The following CLIC6 variants were observed in gnomAD, a reference collection of about 807,000 sequenced individuals.
CLIC6 encodes the protein CLIC family member 6.
CLIC6 carries 39 observed loss-of-function variants against 49.2 expected under a neutral mutation model. The observed-to-expected ratio is 0.79, with a 90% CI of 0.61 to 1.04. The LOEUF is 1.04. CLIC6 is among the 50% of genes least tolerant of loss of function. The pLI, the probability that CLIC6 is intolerant of heterozygous loss-of-function variation, is 0.00. For missense variants in CLIC6, 988 were observed against 993.1 expected (o/e 0.99, Z 0.07); for synonymous variants, 446 against 433.4 (o/e 1.03, Z -0.36).
At chr21:34,686,710 A>G (rs1252488794) in intron 1 of CLIC6, among the ~76,000 whole-genome samples, 2 of 152,048 alleles carry the variant, frequency 1.3e-5, no homozygotes, top group African/African-American at 2.4e-5. Context: ...CCATTTGACA[A>G]TCCTAGCTGA....
chr21:34,678,196 C>T (rs1989709452), intron 1 of CLIC6, among the ~76,000 whole-genome samples: 1 of 151,420 alleles, frequency 6.6e-6, no homozygotes, highest in Non-Finnish European at 1.5e-5. Flanking sequence ...CTTTGGGAGG[C>T]TGAGGCGGGC....
At chr21:34,686,938 G>A (rs761585398) in intron 1 of CLIC6, among the ~76,000 whole-genome samples, 7 of 152,180 alleles carry the variant, frequency 4.6e-5, no homozygotes, top group Non-Finnish European at 1.0e-4. Context: ...AGTAACCTTC[G>A]TCAGTGCCAC....
intron 1 of CLIC6, among the ~76,000 whole-genome samples, chr21:34,699,397 G>A (rs1381900159): frequency 2.7e-5 from 4 of 149,328 alleles, no homozygotes; most frequent in African/African-American, 4.9e-5. Flanking sequence ...GACTACAGGC[G>A]CATGTCACCA....
chr21:34,679,104 G>C (rs1243317135), intron 1 of CLIC6, among the ~76,000 whole-genome samples: 2 of 152,216 alleles, frequency 1.3e-5, no homozygotes, highest in Admixed American at 6.5e-5. Flanking sequence ...TTCTCACGCT[G>C]TTGTGAAGAA....
chr21:34,678,169 C>G (rs568701520), intron 1 of CLIC6, among the ~76,000 whole-genome samples: 2 of 151,734 alleles, frequency 1.3e-5, no homozygotes, highest in Non-Finnish European at 2.9e-5. Context: ...AGGTGGCTCA[C>G]GCCTGTAATC....
At chr21:34,693,981 T>TC (rs1990045869) in intron 1 of CLIC6, among the ~76,000 whole-genome samples, 1 of 141,626 alleles carries the variant, frequency 7.1e-6, no homozygotes, top group African/African-American at 2.5e-5. Flanking sequence ...TTTTCTTTTT[T>TC]TTTTTTTTTT....
At chr21:34,692,113 G>A (rs1472274205) in intron 1 of CLIC6, among the ~76,000 whole-genome samples, 3 of 152,204 alleles carry the variant, frequency 2.0e-5, no homozygotes, top group Non-Finnish European at 4.4e-5. Context: ...TTTACAAAAT[G>A]TAATTTATTA....
chr21:34,690,862 A>AG (rs66818328), intron 1 of CLIC6, among the ~76,000 whole-genome samples: 194 of 8,310 alleles, frequency 0.023, no homozygotes, highest in East Asian at 0.067. Context: ...AATACATGTC[A>AG]AAAAAAAAAA....
intron 1 of CLIC6, among the ~76,000 whole-genome samples, chr21:34,697,725 T>G (rs1473632315): frequency 6.6e-6 from 1 of 152,122 alleles, no homozygotes; most frequent in Non-Finnish European, 1.5e-5. Flanking sequence ...CCAGGGTGAG[T>G]TGGTCACGCA....
chr21:34,715,323 G>T (rs888974419), intron 5 of CLIC6, among the ~76,000 whole-genome samples: 4 of 152,214 alleles, frequency 2.6e-5, no homozygotes, highest in African/African-American at 9.6e-5. Context: ...TTAAAATAAA[G>T]TCATCGTGGA....
intron 1 of CLIC6, among the ~76,000 whole-genome samples, chr21:34,671,179 T>C (rs1003520568): frequency 1.3e-5 from 2 of 149,002 alleles, no homozygotes; most frequent in South Asian, 2.2e-4. Context: ...CCTATTGGTG[T>C]TCAAAGGGAT....
chr21:34,674,038 C>T (rs1037344559), intron 1 of CLIC6, among the ~76,000 whole-genome samples: 10 of 152,182 alleles, frequency 6.6e-5, no homozygotes, highest in Admixed American at 5.9e-4. Context: ...ATTCTCCTAG[C>T]CTTCATATGA....
At chr21:34,715,258 C>T (rs1294286577) in intron 5 of CLIC6, among the ~76,000 whole-genome samples, 1 of 152,200 alleles carries the variant, frequency 6.6e-6, no homozygotes, top group African/African-American at 2.4e-5. Context: ...TCCTAACCCC[C>T]AGTAGCTCAG....
chr21:34,701,341 G>T (rs1412302115), intron 1 of CLIC6, among the ~76,000 whole-genome samples: 1 of 149,404 alleles, frequency 6.7e-6, no homozygotes, highest in Non-Finnish European at 1.5e-5. Flanking sequence ...AAAATCAGTG[G>T]TTCTTTAAGG....
At chr21:34,699,957 G>A (rs978997574) in intron 1 of CLIC6, among the ~76,000 whole-genome samples, 9 of 152,252 alleles carry the variant, frequency 5.9e-5, no homozygotes, top group Admixed American at 2.6e-4. Flanking sequence ...ACATAGGGCA[G>A]GAAGAAGCTG....
chr21:34,683,687 G>A (rs917377028), intron 1 of CLIC6, among the ~76,000 whole-genome samples: 2 of 152,104 alleles, frequency 1.3e-5, no homozygotes, highest in African/African-American at 4.8e-5. Context: ...AGATCTGATG[G>A]TTTAAAAGTG....
chr21:34,677,584 CA>C (rs1230999112), intron 1 of CLIC6, among the ~76,000 whole-genome samples: 2 of 152,098 alleles, frequency 1.3e-5, no homozygotes, highest in Admixed American at 6.5e-5. Context: ...CCTGTATCAT[CA>C]AAAAATGGAT....
chr21:34,699,837 T>C (rs538916211), intron 1 of CLIC6, among the ~76,000 whole-genome samples: 6 of 152,268 alleles, frequency 3.9e-5, no homozygotes, highest in African/African-American at 1.2e-4. Context: ...GGCACCCCAG[T>C]GGGTCTTCTG....
At position 34,669,380 on chromosome 21, in the gene CLIC6, T is replaced by C. The variant is rs750090622; in HGVS notation, c.-9T>C. On this transcript the variant is annotated 5_prime_UTR_variant, in exon 1 of 6. Coordinates refer to ENST00000349499, the MANE Select transcript of CLIC6 (RefSeq NM_053277.3). ...AAGGAGTCCCGATCAAGGACAGGGATCTGCGGCCATGGCCGAGGCCGCGGA... is the reference window on the plus strand; with the variant it reads ...AAGGAGTCCCGATCAAGGACAGGGACCTGCGGCCATGGCCGAGGCCGCGGA... The C allele has an allele frequency of 1.1e-5, 13 of 1,237,644 alleles. No individual in the cohort carries two copies. The African/African-American group carries it at 2.0e-4, about 19-fold the overall frequency. The allele number at this position is 1,237,644 out of a possible 1,614,324, so 76.7% of individuals were successfully genotyped here.
Sources: gnomAD v4.1 joint callset for allele counts (sites outside exome capture counted in the v4.1 genomes callset) on GRCh38, gnomAD v4.1.1 for gene constraint, MANE v1.5 for transcripts, NCBI Gene and HGNC (gene_info 2026-07-23, HGNC 2026-07-21) for gene names.